Variants in VPS8 observed in about 807,000 individuals in gnomAD.
VPS8 encodes VPS8 subunit of CORVET complex.
Under a neutral mutation model 216.4 loss-of-function variants are expected in VPS8, and 129 were observed. The ratio of observed to expected loss-of-function variants is 0.60; its 90% CI spans 0.52 to 0.69. The LOEUF (loss-of-function observed/expected upper bound fraction) is 0.69. Ranked by LOEUF, VPS8 falls within the 30% of genes least tolerant of loss-of-function variation. VPS8 has a pLI of 0.00. For synonymous variants in VPS8, 571 were observed against 565.4 expected, an observed-to-expected ratio of 1.01 and a Z score of -0.14; for missense variants, 1,531 against 1,683.5, an observed-to-expected ratio of 0.91 and a Z score of 1.59.
At chr3:185,008,638 G>A (rs909264837) in intron 45 of VPS8, among the ~76,000 whole-genome samples, 4 of 152,064 alleles carry the variant, frequency 2.6e-5, no homozygotes, top group African/African-American at 4.8e-5. Flanking sequence ...AGGCTAAGGC[G>A]GTACCAGCCA....
chr3:184,821,695 T>C (rs1717627466), intron 1 of VPS8, among the ~76,000 whole-genome samples: 1 of 152,120 alleles, frequency 6.6e-6, no homozygotes, highest in Non-Finnish European at 1.5e-5. Flanking sequence ...CTAGAGAATC[T>C]GTACCTAGAA....
intron 13 of VPS8, among the ~76,000 whole-genome samples, chr3:184,855,420 T>C (rs1725058587): frequency 1.3e-5 from 2 of 152,218 alleles, no homozygotes; most frequent in African/African-American, 4.8e-5. Flanking sequence ...AGGTTTTTCC[T>C]TTGGTGTAGA....
chr3:185,048,545 C>T lies in VPS8; in HGVS notation c.4123C>T (p.Arg1375Ter), dbSNP rs375223592. The change falls in exon 47 of 48, where the codon CGA becomes TGA. Residue 1375 changes from arginine to a stop codon, truncating the protein, a stop_gained. Transcript: ENST00000625842. LOFTEE classifies it high-confidence loss of function. The part of the protein sequence containing the change: ...QAFDQLCRLY[R>*]GSSRLALLTE... ...ATTTGATCAGCTTTGCCGTCTCTAC[C>T]GAGGAAGCTCCAGGGTAATGTTTGC... The T allele has an allele frequency of 6.2e-6, 10 of 1,613,922 alleles. No individual in the cohort carries two copies. Among genetic ancestry groups the T allele is most frequent in the East Asian group, 2.2e-5 (1 of 44,878 alleles).
chr3:184,855,546 A>G (rs1438183992), intron 13 of VPS8, among the ~76,000 whole-genome samples, 165 bp from the exon 14 acceptor site: 2 of 152,232 alleles, frequency 1.3e-5, no homozygotes, highest in Non-Finnish European at 1.5e-5. Context: ...CCATCAACCC[A>G]GAAAGTTCCC....
intron 45 of VPS8, among the ~76,000 whole-genome samples, chr3:185,008,797 G>C (rs1278958160): frequency 1.3e-5 from 2 of 152,102 alleles, no homozygotes; most frequent in African/African-American, 4.8e-5. Flanking sequence ...CAGGAATGAG[G>C]TTGAAGAGGT....
At chr3:184,960,571 CAAAG>C (rs1746344240) in intron 37 of VPS8, among the ~76,000 whole-genome samples, 1 of 152,162 alleles carries the variant, frequency 6.6e-6, no homozygotes, top group Non-Finnish European at 1.5e-5. Flanking sequence ...AAATTCAACT[CAAAG>C]AAACATGATT....
chr3:184,840,001 C>G (rs1373064683), intron 7 of VPS8: 6 of 914,926 alleles, frequency 6.6e-6, no homozygotes, highest in African/African-American at 1.8e-5. Context: ...TCTCTGCAAA[C>G]CTAGACAAAA....
At chr3:184,969,794 A>G (rs1205648518) in intron 39 of VPS8, among the ~76,000 whole-genome samples, 1 of 151,570 alleles carries the variant, frequency 6.6e-6, no homozygotes, top group African/African-American at 2.4e-5. Context: ...TTCCCCCAAA[A>G]TCACTACAAT....
At position 184,903,312 on chromosome 3, in the gene VPS8, T is replaced by C. The variant is rs73885614; in HGVS notation, c.2146+2340T>C. On this transcript the variant is annotated intron_variant, in intron 25 of 47. Transcript: ENST00000625842. ...ATAAACGTTAAAATCAGCTCATCAG[T>C]TTTTTTTAAAAAAGCTCATTTGATT... Among the ~76,000 whole-genome samples the C allele has an allele frequency of 2.5e-3, 373 of 152,184 alleles. 1 individual carries two copies. The highest frequency in any genetic ancestry group is 8.6e-3 in the African/African-American group (356 of 41,522).
chr3:184,987,881 T>C (rs1359293589), intron 42 of VPS8, among the ~76,000 whole-genome samples: 1 of 152,236 alleles, frequency 6.6e-6, no homozygotes, highest in Non-Finnish European at 1.5e-5. Flanking sequence ...CTCCATATCT[T>C]AGCAGCATGT....
intron 43 of VPS8, among the ~76,000 whole-genome samples, chr3:184,994,407 A>G (rs1204947894): frequency 1.3e-5 from 2 of 151,942 alleles, no homozygotes; most frequent in Non-Finnish European, 2.9e-5. Flanking sequence ...AGGACGATCA[A>G]TTGAGCCCAG....
intron 13 of VPS8, 135 bp downstream of exon 13, chr3:184,854,308 T>C (rs564147182): frequency 4.3e-6 from 4 of 939,450 alleles, no homozygotes; most frequent in African/African-American, 3.3e-5. Context: ...CCAGAGATCG[T>C]TGGCTGGACT....
intron 36 of VPS8, among the ~76,000 whole-genome samples, chr3:184,951,335 A>C (rs1364131897): frequency 6.6e-6 from 1 of 152,098 alleles, no homozygotes; most frequent in Non-Finnish European, 1.5e-5. Flanking sequence ...AAATATCAAA[A>C]ATTAGCCAGC....
chr3:184,883,456 C>T (rs1420054304), intron 21 of VPS8, among the ~76,000 whole-genome samples: 1 of 152,184 alleles, frequency 6.6e-6, no homozygotes, highest in Non-Finnish European at 1.5e-5. Flanking sequence ...TTTCTTATGT[C>T]ATCTTGTGAC....
chr3:184,994,254 C>A (rs1318801166), intron 43 of VPS8, among the ~76,000 whole-genome samples, 191 bp downstream of exon 43: 1 of 152,064 alleles, frequency 6.6e-6, no homozygotes, highest in Non-Finnish European at 1.5e-5. Context: ...GTAACGCCAG[C>A]ACTTTGGAAG....
chr3:184,901,035 C>A, intron 25 of VPS8, 63 bp downstream of exon 25: 1 of 1,452,428 alleles, frequency 6.9e-7, no homozygotes, highest in East Asian at 2.3e-5. Context: ...TTAAATGTTA[C>A]AAAATTGGCC....
Position 184,957,478 on chromosome 3 carries a change from C to T in VPS8, c.3140C>T (p.Thr1047Ile). The change falls in exon 37 of 48, where the codon ACT (threonine) becomes ATT (isoleucine). Residue 1047 changes from threonine to isoleucine, a missense_variant. Physicochemically the swap from Thr to Ile is moderately conservative, Grantham distance 89. This residue lies in a region of VPS8 where 1,318 missense variants were observed against 1,468.4 expected (regional missense o/e 0.90). Coordinates refer to ENST00000625842, the MANE Select transcript of VPS8 (RefSeq NM_001009921.3). ...CQFNPTQVIETLQVLECYRLE... is the reference protein window; with the variant it reads ...CQFNPTQVIEILQVLECYRLE... The stretch of plus-strand genomic sequence containing the variant: ...TTCAACCCAACCCAAGTTATAGAGA[C>T]TCTGCAAGTCCTTGAGTGCTACCGT... 6.2e-7 allele frequency: 1 copy of T among 1,612,468 alleles called. No individual in the cohort carries two copies. The highest frequency in any genetic ancestry group is 8.5e-7 in the Non-Finnish European group (1 of 1,179,264).
In VPS8 at chr3:185,024,388, AG is replaced by A; in HGVS notation, c.4056+1del. ...HQSKGDPTAK[K>X]GTSEPVLDPQ... ...TCCAAAGGGGATCCCACTGCTAAAA[AG>A]GTGAGTTTGTTTTAAAGGCAAAAAA... On this transcript the variant is annotated frameshift_variant and splice_region_variant, in exon 46 of 48. Transcript: ENST00000625842. LOFTEE classifies it high-confidence loss of function. The A allele has an allele frequency of 1.3e-6, 2 of 1,595,402 alleles. No individual in the cohort carries two copies. The highest frequency in any genetic ancestry group is 1.1e-5 in the South Asian group (1 of 87,468).
chr3:184,867,453 C>G (rs1006424800), intron 17 of VPS8, among the ~76,000 whole-genome samples: 1 of 152,120 alleles, frequency 6.6e-6, no homozygotes, highest in Non-Finnish European at 1.5e-5. Context: ...AAAATATTGC[C>G]AAGTCAGTAG....
Sources: gnomAD v4.1 joint callset for allele counts (sites outside exome capture counted in the v4.1 genomes callset) on GRCh38, gnomAD v4.1.1 for gene constraint, gnomAD v4.1.1 regional missense constraint, MANE v1.5 for transcripts, NCBI Gene and HGNC (gene_info 2026-07-23, HGNC 2026-07-21) for gene names.